The following CPED1 variants were observed in gnomAD, a reference collection of about 807,000 sequenced individuals.
The protein encoded by CPED1 is cadherin like and PC-esterase domain containing 1, also known as cadherin-like and PC-esterase domain-containing protein 1.
A neutral mutation model predicts 128.2 loss-of-function variants in CPED1; 114 were observed. The observed-to-expected ratio is 0.89, with a 90% CI of 0.76 to 1.04. The LOEUF is 1.04. Ranked by LOEUF, CPED1 falls within the 50% of genes least tolerant of loss-of-function variation. CPED1 has a pLI of 0.00. For missense variants in CPED1, 1,211 were observed against 1,207.1 expected (o/e 1.00, Z -0.05); for synonymous variants, 462 against 426.7 (o/e 1.08, Z -1.02).
intron 2 of CPED1, among the ~76,000 whole-genome samples, chr7:120,996,897 A>G (rs1796415362): frequency 6.6e-6 from 1 of 152,202 alleles, no homozygotes; most frequent in Non-Finnish European, 1.5e-5. Context: ...GAAAGCTTTC[A>G]GGAGTTGTAA....
chr7:121,240,709 C>CA (rs1798370984), intron 17 of CPED1, among the ~76,000 whole-genome samples: 1 of 147,126 alleles, frequency 6.8e-6, no homozygotes, highest in Non-Finnish European at 1.5e-5. Flanking sequence ...CTGTCATTAA[C>CA]AGCATGATCC....
chr7:121,015,624 A>G (rs1204916327), intron 2 of CPED1, 41 bp from the exon 3 acceptor site: 4 of 1,536,632 alleles, frequency 2.6e-6, no homozygotes, highest in South Asian at 1.2e-5. Context: ...AGGGAAATGT[A>G]CTACTTTTTT....
intron 16 of CPED1, among the ~76,000 whole-genome samples, chr7:121,224,124 C>T (rs571777863): frequency 1.4e-3 from 207 of 152,280 alleles, no homozygotes; most frequent in African/African-American, 4.7e-3. Flanking sequence ...CTACACACTG[C>T]TTTAAATGTG....
intron 16 of CPED1, among the ~76,000 whole-genome samples, chr7:121,198,911 A>G (rs904075102): frequency 7.2e-5 from 11 of 152,128 alleles, no homozygotes; most frequent in African/African-American, 2.4e-4. Flanking sequence ...TGATAATAGT[A>G]GTGATTCTGA....
intron 16 of CPED1, among the ~76,000 whole-genome samples, chr7:121,200,023 T>A (rs1319201243): frequency 6.6e-6 from 1 of 152,136 alleles, no homozygotes; most frequent in Non-Finnish European, 1.5e-5. Context: ...CTAGCTGTGT[T>A]TCAAGTGCTC....
intron 16 of CPED1, among the ~76,000 whole-genome samples, chr7:121,156,300 A>C (rs1222500324): frequency 2.7e-5 from 4 of 148,838 alleles, no homozygotes; most frequent in Admixed American, 1.4e-4. Flanking sequence ...AAAAGTAAAA[A>C]TAGAACTACC....
chr7:121,271,220 A>T, intron 21 of CPED1, 64 bp from the exon 22 acceptor site: 2 of 1,346,060 alleles, frequency 1.5e-6, no homozygotes, highest in Non-Finnish European at 2.1e-6. Context: ...TTTCCACCTA[A>T]CTTATTGAAT....
At chr7:121,240,014 T>A (rs1584623142) in intron 17 of CPED1, among the ~76,000 whole-genome samples, 1 of 152,190 alleles carries the variant, frequency 6.6e-6, no homozygotes, top group East Asian at 1.9e-4. Flanking sequence ...GTTTTGCAGA[T>A]GTTATACAGA....
At position 121,130,310 on chromosome 7, in the gene CPED1, A is replaced by C. The variant is rs202059009; in HGVS notation, c.1577+16A>C. On this transcript the variant is annotated intron_variant, in intron 12 of 22. Transcript: ENST00000310396. ...CACTGGAATGGTAAGATAGCCACAAATTTGAATTGTACAATCCAAAAAATC... is the reference window on the plus strand; with the variant it reads ...CACTGGAATGGTAAGATAGCCACAACTTTGAATTGTACAATCCAAAAAATC... 6.3e-7 allele frequency: 1 copy of C among 1,583,086 alleles called. No homozygotes were observed. The highest frequency in any genetic ancestry group is 8.6e-7 in the Non-Finnish European group (1 of 1,169,202).
At chr7:121,125,656 G>T (rs1403195145) in intron 8 of CPED1, among the ~76,000 whole-genome samples, 164 bp from the exon 9 acceptor site, 1 of 151,972 alleles carries the variant, frequency 6.6e-6, no homozygotes, top group Non-Finnish European at 1.5e-5. Flanking sequence ...TTTTTTTATG[G>T]CTGCATAGTA....
At chr7:121,210,976 AAC>A (rs1273523498) in intron 16 of CPED1, among the ~76,000 whole-genome samples, 1 of 151,874 alleles carries the variant, frequency 6.6e-6, no homozygotes, top group African/African-American at 2.4e-5. Context: ...AAAAAATTAA[AAC>A]ACATAATAAA....
At chr7:121,294,206 G>T (rs1012402328) in intron 22 of CPED1, among the ~76,000 whole-genome samples, 4 of 152,084 alleles carry the variant, frequency 2.6e-5, no homozygotes, top group Admixed American at 6.6e-5. Context: ...TAGCCTCTTT[G>T]TTTGGATGTG....
At chr7:121,267,411 A>G (rs1484970547) in intron 21 of CPED1, 109 bp downstream of exon 21, 1 of 494,386 alleles carries the variant, frequency 2.0e-6, no homozygotes, top group Non-Finnish European at 3.5e-6. Context: ...TCATGAAAGT[A>G]AAAAAAAGAG....
At chr7:121,025,516 T>G (rs1792553883) in intron 3 of CPED1, among the ~76,000 whole-genome samples, 1 of 152,198 alleles carries the variant, frequency 6.6e-6, no homozygotes, top group African/African-American at 2.4e-5. Context: ...GTTTCTTTTT[T>G]CTTACTCTAG....
At chr7:121,282,734 C>T (rs1792487451) in intron 22 of CPED1, among the ~76,000 whole-genome samples, 2 of 152,178 alleles carry the variant, frequency 1.3e-5, no homozygotes, top group African/African-American at 4.8e-5. Flanking sequence ...TACTAAGGAA[C>T]TATTCATAAC....
chr7:121,135,958 A>C, intron 13 of CPED1, 82 bp from the exon 14 acceptor site: 1 of 1,068,122 alleles, frequency 9.4e-7, no homozygotes, highest in Non-Finnish European at 1.3e-6. Context: ...ATGTTTTATT[A>C]AGTTATCTAA....
chr7:121,100,109 G>A lies in CPED1; in HGVS notation c.918+15G>A, dbSNP rs201671315. 21 of 1,611,718 alleles carry A rather than the reference G, an allele frequency of 1.3e-5. No individual in the cohort carries two copies. Among genetic ancestry groups the A allele is most frequent in the African/African-American group, 2.7e-5 (2 of 74,782 alleles). On this transcript the variant is annotated intron_variant, in intron 7 of 22. Coordinates refer to ENST00000310396, the MANE Select transcript of CPED1 (RefSeq NM_024913.5). ...TCACTGTCAAGGTAAGCTCTCGGTT[G>A]AAGCTATTATTTCACGTAAGTACAC...
Position 121,139,962 on chromosome 7 carries a change from G to T in CPED1, c.1700-865G>T, listed in dbSNP as rs144067354. ...TTAGCATTTTGTTGACAATTGGAAAGTATTGATGGAATGAAATACTCCTTG... is the reference window on the plus strand; with the variant it reads ...TTAGCATTTTGTTGACAATTGGAAATTATTGATGGAATGAAATACTCCTTG... On this transcript the variant is annotated intron_variant, in intron 14 of 22. Transcript: ENST00000310396. 4.6e-5 allele frequency among the ~76,000 whole-genome samples: 7 copies of T among 152,052 alleles called. No individual in the cohort carries two copies. The East Asian group carries it at 1.4e-3, about 29-fold the overall frequency.
chr7:121,117,079 A>T (rs558288023), intron 7 of CPED1, among the ~76,000 whole-genome samples: 12 of 77,198 alleles, frequency 1.6e-4, no homozygotes, highest in African/African-American at 5.2e-4. Context: ...TATACACATT[A>T]TATATATATA....
Sources: allele counts gnomAD v4.1 joint callset (sites outside exome capture counted in the v4.1 genomes callset), GRCh38; gene constraint gnomAD v4.1.1; transcripts MANE v1.5; gene names NCBI Gene and HGNC (gene_info 2026-07-23, HGNC 2026-07-21).